ACOXL: variants seen among roughly 807,000 people sequenced by gnomAD.
The protein encoded by ACOXL is acyl-CoA oxidase like.
Under a neutral mutation model 71.9 loss-of-function variants are expected in ACOXL, and 70 were observed. The ratio of observed to expected loss-of-function variants is 0.97; its 90% CI spans 0.80 to 1.19. ACOXL has a LOEUF of 1.19. Among genes scored for constraint, ACOXL ranks in the 50% most tolerant of loss-of-function variants. ACOXL has a pLI of 0.00. For synonymous variants in ACOXL, 253 were observed against 281.6 expected (o/e 0.90, Z 1.02); for missense variants, 703 against 736.3 (o/e 0.95, Z 0.52).
intron 9 of ACOXL, among the ~76,000 whole-genome samples, chr2:110,829,571 C>T (rs535013849): frequency 6.6e-6 from 1 of 152,294 alleles, no homozygotes; most frequent in Admixed American, 6.5e-5. Context: ...GCTTTTGCTC[C>T]AGTGTCTTTG....
At chr2:111,088,931 A>G (rs544079159) in intron 16 of ACOXL, among the ~76,000 whole-genome samples, 1 of 152,350 alleles carries the variant, frequency 6.6e-6, no homozygotes, top group African/African-American at 2.4e-5. Flanking sequence ...CTAGTTAAGT[A>G]AGGATAAGTA....
rs144844995 is a variant in ACOXL, at chr2:111,086,463, C to T, written c.1441-6402C>T. On this transcript the variant is annotated intron_variant, in intron 16 of 17. Coordinates refer to ENST00000439055, the MANE Select transcript of ACOXL (RefSeq NM_001142807.4). The stretch of plus-strand genomic sequence containing the variant: ...CATAAACAGAACTAAAGACAAAAAC[C>T]ATATGATTATCTCAGTAGATGCAGA... 1.4e-3 allele frequency among the ~76,000 whole-genome samples: 218 copies of T among 152,178 alleles called. 1 individual carries two copies. The highest frequency in any genetic ancestry group is 5.0e-3 in the African/African-American group (206 of 41,508).
At chr2:111,019,426 GA>G (rs2064634985) in intron 14 of ACOXL, among the ~76,000 whole-genome samples, 1 of 152,166 alleles carries the variant, frequency 6.6e-6, no homozygotes, top group African/African-American at 2.4e-5. Flanking sequence ...TTTCTATTCC[GA>G]AAGGCTCGGT....
chr2:110,784,462 G>A (rs1011569794), intron 2 of ACOXL, among the ~76,000 whole-genome samples: 2 of 152,106 alleles, frequency 1.3e-5, no homozygotes, highest in African/African-American at 4.8e-5. Flanking sequence ...TCGGTCGCAG[G>A]GTTGCAGGCT....
intron 1 of ACOXL, among the ~76,000 whole-genome samples, chr2:110,763,226 A>G (rs971401074): frequency 6.6e-6 from 1 of 152,218 alleles, no homozygotes; most frequent in South Asian, 2.1e-4. Flanking sequence ...CACAATAGCC[A>G]ATACAAAATT....
chr2:110,869,279 A>T (rs1410836543), intron 10 of ACOXL, among the ~76,000 whole-genome samples: 1 of 152,140 alleles, frequency 6.6e-6, no homozygotes, highest in African/African-American at 2.4e-5. Context: ...GGCTGTGTGT[A>T]TTGTAAATCC....
chr2:110,937,902 C>A (rs922920), intron 12 of ACOXL, among the ~76,000 whole-genome samples: 72,063 of 151,960 alleles, frequency 0.47, 17,804 homozygotes, highest in East Asian at 0.6. Context: ...AAATTCTATG[C>A]GACAAAGAGC....
At chr2:111,064,803 C>T (rs751932606) in intron 16 of ACOXL, among the ~76,000 whole-genome samples, 48 of 152,082 alleles carry the variant, frequency 3.2e-4, no homozygotes, top group Non-Finnish European at 5.9e-4. Flanking sequence ...CCTAACAAAA[C>T]ATGTAAAGGA....
chr2:110,944,882 G>A (rs1395632327), intron 12 of ACOXL, among the ~76,000 whole-genome samples: 1 of 152,172 alleles, frequency 6.6e-6, no homozygotes, highest in Non-Finnish European at 1.5e-5. Flanking sequence ...TTTCTAGGTT[G>A]AATGGTAATT....
intron 16 of ACOXL, among the ~76,000 whole-genome samples, chr2:111,089,786 T>C (rs1007035737): frequency 6.6e-6 from 1 of 152,250 alleles, no homozygotes; most frequent in Non-Finnish European, 1.5e-5. Context: ...AAGCACATTC[T>C]GCCTTGCTTT....
At chr2:110,769,298 G>A (rs1347815941) in intron 2 of ACOXL, among the ~76,000 whole-genome samples, 5 of 152,102 alleles carry the variant, frequency 3.3e-5, no homozygotes, top group Admixed American at 3.3e-4. Flanking sequence ...CTTTGTGTCA[G>A]TATTAGGAGT....
chr2:110,741,219 T>C (rs1273509479), intron 1 of ACOXL, among the ~76,000 whole-genome samples: 1 of 152,170 alleles, frequency 6.6e-6, no homozygotes, highest in Non-Finnish European at 1.5e-5. Context: ...GCCGTAATAA[T>C]GTACCCGGGC....
At chr2:110,756,676 C>A (rs990153521) in intron 1 of ACOXL, among the ~76,000 whole-genome samples, 1 of 152,094 alleles carries the variant, frequency 6.6e-6, no homozygotes, top group African/African-American at 2.4e-5. Flanking sequence ...CAGTTGGCCA[C>A]CCAGCTGGAT....
intron 10 of ACOXL, among the ~76,000 whole-genome samples, chr2:110,862,101 C>G (rs536059017): frequency 6.6e-6 from 1 of 152,190 alleles, no homozygotes; most frequent in Non-Finnish European, 1.5e-5. Context: ...GTGAGGCCTT[C>G]GAACCGAGAA....
chr2:110,973,297 A>G (rs1445262302), intron 12 of ACOXL, among the ~76,000 whole-genome samples: 1 of 152,228 alleles, frequency 6.6e-6, no homozygotes, highest in Non-Finnish European at 1.5e-5. Flanking sequence ...TTGACAGGCC[A>G]ACCTGCTACA....
intron 10 of ACOXL, among the ~76,000 whole-genome samples, chr2:110,888,252 T>G (rs1434035542): frequency 6.6e-6 from 1 of 152,154 alleles, no homozygotes; most frequent in South Asian, 2.1e-4. Context: ...CGGGAAGTGT[T>G]TAGGATCAAG....
chr2:110,917,505 G>T (rs1232655757), intron 11 of ACOXL, among the ~76,000 whole-genome samples: 3 of 152,218 alleles, frequency 2.0e-5, no homozygotes. Context: ...AGACAAGGAT[G>T]CCCTCTCTCA....
intron 12 of ACOXL, among the ~76,000 whole-genome samples, chr2:110,977,184 A>G (rs2062484070): frequency 6.6e-6 from 1 of 152,140 alleles, no homozygotes; most frequent in Non-Finnish European, 1.5e-5. Flanking sequence ...CAGGAGATTG[A>G]GACCATCCTG....
intron 10 of ACOXL, among the ~76,000 whole-genome samples, chr2:110,881,190 A>G (rs114394148): frequency 0.023 from 3,515 of 151,806 alleles, 82 homozygotes; most frequent in Middle Eastern, 0.058. Context: ...TATATTACAT[A>G]TCACATACAT....
Sources: gnomAD v4.1 joint callset for allele counts (sites outside exome capture counted in the v4.1 genomes callset) on GRCh38, gnomAD v4.1.1 for gene constraint, MANE v1.5 for transcripts, NCBI Gene and HGNC (gene_info 2026-07-23, HGNC 2026-07-21) for gene names.